The following MGLL variants were observed in gnomAD, a reference collection of about 807,000 sequenced individuals.
MGLL encodes the protein monoglyceride lipase.
MGLL carries 7 observed loss-of-function variants against 29.1 expected under a neutral mutation model. That is an observed-to-expected ratio of 0.24 (90% CI 0.14 to 0.45). The LOEUF is 0.45. MGLL is among the 20% of genes least tolerant of loss of function. The pLI, the probability that MGLL is intolerant of heterozygous loss-of-function variation, is 0.99. For synonymous variants in MGLL, 148 were observed against 168.3 expected, an observed-to-expected ratio of 0.88 and a Z score of 0.93; for missense variants, 356 against 413.6, an observed-to-expected ratio of 0.86 and a Z score of 1.21.
At chr3:127,778,405 G>A (rs1381306148) in intron 3 of MGLL, among the ~76,000 whole-genome samples, 1 of 152,218 alleles carries the variant, frequency 6.6e-6, no homozygotes, top group Non-Finnish European at 1.5e-5. Flanking sequence ...ACGCCCACCT[G>A]GGTACACAGC....
intron 6 of MGLL, among the ~76,000 whole-genome samples, chr3:127,708,965 G>A (rs1305241681): frequency 1.3e-5 from 2 of 152,190 alleles, no homozygotes; most frequent in Admixed American, 1.3e-4. Context: ...AATAAAATGG[G>A]CTAAAATCCC....
chr3:127,748,349 A>G (rs1472235907), intron 3 of MGLL, among the ~76,000 whole-genome samples: 4 of 151,758 alleles, frequency 2.6e-5, no homozygotes, highest in South Asian at 4.2e-4. Context: ...CCCCAGAGAG[A>G]GAGAGACCAC....
At chr3:127,727,291 C>A (rs1017511247) in intron 3 of MGLL, among the ~76,000 whole-genome samples, 1 of 152,190 alleles carries the variant, frequency 6.6e-6, no homozygotes, top group Non-Finnish European at 1.5e-5. Flanking sequence ...TCCAATGCCA[C>A]CGAGGTGCCT....
intron 3 of MGLL, among the ~76,000 whole-genome samples, chr3:127,780,276 A>T (rs961145045): frequency 6.6e-6 from 1 of 152,252 alleles, no homozygotes; most frequent in Non-Finnish European, 1.5e-5. Flanking sequence ...GCTAAGATAC[A>T]AAATAGATTC....
intron 2 of MGLL, among the ~76,000 whole-genome samples, chr3:127,792,073 A>C (rs1034437427): frequency 6.6e-6 from 1 of 152,216 alleles, no homozygotes; most frequent in African/African-American, 2.4e-5. Context: ...GTCTCAAAAA[A>C]CAAACGAACA....
At chr3:127,766,434 T>A (rs1023071600) in intron 3 of MGLL, among the ~76,000 whole-genome samples, 1 of 152,224 alleles carries the variant, frequency 6.6e-6, no homozygotes, top group Non-Finnish European at 1.5e-5. Context: ...CAGAAAATAC[T>A]CGTAGTGCCC....
At chr3:127,764,893 A>C (rs1017952868) in intron 3 of MGLL, among the ~76,000 whole-genome samples, 2 of 152,112 alleles carry the variant, frequency 1.3e-5, no homozygotes, top group African/African-American at 4.8e-5. Context: ...TAATCCCCCT[A>C]CTGACCCTAT....
In MGLL at chr3:127,757,715, G is replaced by A. The variant is rs528502673; in HGVS notation, c.262+24074C>T. On this transcript the variant is annotated intron_variant, in intron 3 of 7. Coordinates refer to ENST00000265052, the MANE Select transcript of MGLL (RefSeq NM_007283.7). Reference sequence around the variant, plus strand: ...ATGAAGAAAGCTGTGACAGTGTCACGAAGCTGGGGGACCTGCCTCCGAGAG... The same window carrying A: ...ATGAAGAAAGCTGTGACAGTGTCACAAAGCTGGGGGACCTGCCTCCGAGAG... Among the ~76,000 whole-genome samples the A allele has an allele frequency of 1.3e-4, 20 of 152,316 alleles. 1 individual carries two copies. In the South Asian group the frequency reaches 3.5e-3, roughly 27 times the overall value.
intron 2 of MGLL, among the ~76,000 whole-genome samples, chr3:127,812,961 C>T (rs73862361): frequency 0.029 from 4,478 of 152,186 alleles, 205 homozygotes; most frequent in African/African-American, 0.1. Flanking sequence ...CCCTGAAACA[C>T]GTCTCTTCAA....
chr3:127,770,616 G>T (rs970707908), intron 3 of MGLL, among the ~76,000 whole-genome samples: 1 of 152,142 alleles, frequency 6.6e-6, no homozygotes, highest in Non-Finnish European at 1.5e-5. Flanking sequence ...AAGGCGTGAG[G>T]GCCAGGTGCA....
At chr3:127,716,538 A>G (rs913333669) in intron 5 of MGLL, among the ~76,000 whole-genome samples, 42 of 152,274 alleles carry the variant, frequency 2.8e-4, no homozygotes, top group African/African-American at 9.6e-4. Flanking sequence ...CCACAGCTGA[A>G]GTCAACATCT....
intron 3 of MGLL, among the ~76,000 whole-genome samples, chr3:127,770,129 C>G (rs2076925102): frequency 6.6e-6 from 1 of 152,176 alleles, no homozygotes; most frequent in Non-Finnish European, 1.5e-5. Flanking sequence ...CTCAAGTGAT[C>G]TTTCCACCTC....
intron 3 of MGLL, among the ~76,000 whole-genome samples, chr3:127,770,741 T>C (rs766368649): frequency 2.6e-5 from 4 of 152,332 alleles, no homozygotes; most frequent in Non-Finnish European, 5.9e-5. Flanking sequence ...TTGGAGTCTT[T>C]AAACATCTTT....
At chr3:127,744,789 T>C (rs541323641) in intron 3 of MGLL, among the ~76,000 whole-genome samples, 13 of 152,340 alleles carry the variant, frequency 8.5e-5, no homozygotes, top group African/African-American at 3.1e-4. Flanking sequence ...AAAAATCTCC[T>C]ATACTGTATA....
intron 5 of MGLL, chr3:127,711,120 T>C (rs1028540460): frequency 9.5e-6 from 2 of 211,282 alleles, no homozygotes; most frequent in African/African-American, 4.5e-5. Flanking sequence ...ACAGAGAAAG[T>C]GTGCGTCCAT....
intron 2 of MGLL, among the ~76,000 whole-genome samples, chr3:127,806,414 T>G (rs901136541): frequency 1.3e-5 from 2 of 152,104 alleles, no homozygotes; most frequent in Admixed American, 1.3e-4. Flanking sequence ...GATGAATGAA[T>G]AAATGGATGG....
At chr3:127,807,434 T>A (rs2077584858) in intron 2 of MGLL, among the ~76,000 whole-genome samples, 1 of 152,146 alleles carries the variant, frequency 6.6e-6, no homozygotes, top group African/African-American at 2.4e-5. Context: ...TTGGATTTAT[T>A]TCCTCTATTG....
intron 3 of MGLL, among the ~76,000 whole-genome samples, chr3:127,753,169 G>A (rs1209375170): frequency 6.6e-6 from 1 of 152,148 alleles, no homozygotes; most frequent in Non-Finnish European, 1.5e-5. Context: ...GAGAAGTAAC[G>A]ACACAGGGAA....
intron 2 of MGLL, among the ~76,000 whole-genome samples, chr3:127,799,074 T>C (rs942096393): frequency 6.6e-6 from 1 of 152,218 alleles, no homozygotes; most frequent in Non-Finnish European, 1.5e-5. Flanking sequence ...ATGGACTCAT[T>C]GTTCTCTCGA....
Sources: allele counts gnomAD v4.1 joint callset (sites outside exome capture counted in the v4.1 genomes callset), GRCh38; gene constraint gnomAD v4.1.1; transcripts MANE v1.5; gene names NCBI Gene and HGNC (gene_info 2026-07-23, HGNC 2026-07-21).